MRPL19: variants seen among roughly 807,000 people sequenced by gnomAD.
MRPL19 encodes mitochondrial ribosomal protein L19.
Under a neutral mutation model 34.0 loss-of-function variants are expected in MRPL19, and 31 were observed. The ratio of observed to expected loss-of-function variants is 0.91; its 90% CI spans 0.68 to 1.23. The LOEUF (loss-of-function observed/expected upper bound fraction) is 1.23. Among genes scored for constraint, MRPL19 ranks in the 50% most tolerant of loss-of-function variants. The pLI is 0.00. For synonymous variants in MRPL19, 152 were observed against 127.7 expected (o/e 1.19, Z -1.28); for missense variants, 384 against 367.6 (o/e 1.04, Z -0.37).
In MRPL19 at chr2:75,654,834, GATGCCCTTCCTGA is replaced by G. The variant is rs1223371575; in HGVS notation, c.577_589del (p.Ala193IlefsTer6). On this transcript the variant is annotated frameshift_variant, in exon 5 of 6. Transcript: ENST00000393909. LOFTEE classifies it high-confidence loss of function. Reference sequence around the variant, plus strand: ...GGATGATAGCTTGCTATACTTACGAGATGCCCTTCCTGAATATAGCACTTTTGATGTGAATATG... The same window carrying G: ...GGATGATAGCTTGCTATACTTACGAGATATAGCACTTTTGATGTGAATATG... 1 of 1,613,840 alleles carries G rather than the reference GATGCCCTTCCTGA, an allele frequency of 6.2e-7. No individual in the cohort carries two copies. Among genetic ancestry groups the G allele is most frequent in the Admixed American group, 1.7e-5 (1 of 59,982 alleles).
rs1261380573 is a variant in MRPL19, at chr2:75,646,904, G to T, written c.97G>T (p.Ala33Ser). 1.3e-6 allele frequency: 2 copies of T among 1,592,550 alleles called. No homozygotes were observed. Among genetic ancestry groups the T allele is most frequent in the East Asian group, 4.5e-5 (2 of 44,252 alleles). ...TCTGCTCCCCCCGCCGGCCTCTATC[G>T]CCTGCAGTAAGTGGAGCCGGACTTG... is the stretch of plus-strand genomic sequence containing the variant. Reference protein sequence around the residue: ...RTLLPPPASIACRVHAGPVRQ... With the variant: ...RTLLPPPASISCRVHAGPVRQ... The change falls in exon 1 of 6, where the codon GCC becomes TCC. Residue 33 changes from alanine to serine, a missense_variant. By Grantham distance (99) the Ala-to-Ser change is moderately conservative. Coordinates refer to ENST00000393909, the MANE Select transcript of MRPL19 (RefSeq NM_014763.4).
intron 2 of MRPL19, among the ~76,000 whole-genome samples, chr2:75,650,104 T>G (rs924259818): frequency 2.0e-5 from 3 of 152,162 alleles, no homozygotes; most frequent in African/African-American, 7.2e-5. Flanking sequence ...AAGAAATTCA[T>G]GGGAATAATC....
rs560530255 is a variant in MRPL19, at chr2:75,647,609, A to G, written c.221+390A>G. ...GATTGGCCAACTTAAAAAATTTGCT[A>G]TGGTTTAGGTTGGAAGTTTTGGCAG... On this transcript the variant is annotated intron_variant, in intron 2 of 5. Transcript: ENST00000393909. The G allele has an allele frequency of 1.6e-4, 26 of 165,168 alleles. 1 individual carries two copies. In the South Asian group the frequency reaches 4.3e-3, roughly 27 times the overall value. 10.2% of individuals were successfully genotyped at this position (165,168 alleles called of 1,614,324 possible).
chr2:75,660,358 A>G lies in MRPL19; in HGVS notation c.*5073A>G, dbSNP rs191645640. The G allele has an allele frequency of 5.3e-4, 81 of 152,112 alleles. No homozygotes were observed. The highest frequency in any genetic ancestry group is 1.8e-3 in the African/African-American group (74 of 41,500). The allele number at this position is 152,112 out of a possible 1,614,324, so 9.4% of individuals were successfully genotyped here. On this transcript the variant is annotated 3_prime_UTR_variant, in exon 6 of 6. Transcript: ENST00000393909. ...GTAAGTCCAATGTCTGTGTTTCTTC[A>G]GGGATGGTTTTCATTATTTTGTTTT...
In MRPL19 at chr2:75,654,779, G is replaced by A. The variant is rs1412783135; in HGVS notation, c.519G>A (p.Glu173=). Reference sequence around the variant, plus strand: ...AACTTTATAATCCTCGGGTCCAGGAGATTCAGGTGGTCAAATTAGAGAAAC... The same window carrying A: ...AACTTTATAATCCTCGGGTCCAGGAAATTCAGGTGGTCAAATTAGAGAAAC... The part of the protein sequence containing the change: ...CFELYNPRVQ[E]IQVVKLEKRL... The change falls in exon 5 of 6, where the codon GAG becomes GAA. Residue 173 remains glutamate, a synonymous_variant. Coordinates refer to ENST00000393909, the MANE Select transcript of MRPL19 (RefSeq NM_014763.4). 1.2e-6 allele frequency: 2 copies of A among 1,613,666 alleles called. No homozygotes were observed. The highest frequency in any genetic ancestry group is 2.7e-5 in the African/African-American group (2 of 74,860).
chr2:75,652,484 G>A (rs559041425), intron 3 of MRPL19, 39 bp from the exon 4 acceptor site: 2 of 1,599,894 alleles, frequency 1.3e-6, no homozygotes, highest in African/African-American at 1.3e-5. Context: ...TCAGCTGGGT[G>A]TGCTGAAAAA....
intron 2 of MRPL19, among the ~76,000 whole-genome samples, chr2:75,648,929 TG>T (rs1040127944): frequency 6.6e-6 from 1 of 152,174 alleles, no homozygotes; most frequent in Non-Finnish European, 1.5e-5. Flanking sequence ...TACATGCATA[TG>T]AAAAGTAAAA....
intron 2 of MRPL19, 59 bp from the exon 3 acceptor site, chr2:75,652,083 A>C: frequency 9.9e-7 from 1 of 1,006,004 alleles, no homozygotes; most frequent in Non-Finnish European, 1.5e-6. Context: ...AAAAGCAACA[A>C]TTTTTCTTCT....
intron 4 of MRPL19, among the ~76,000 whole-genome samples, chr2:75,654,000 C>T (rs1039680909): frequency 6.6e-6 from 1 of 152,144 alleles, no homozygotes; most frequent in African/African-American, 2.4e-5. Flanking sequence ...TGTGCAGTCT[C>T]TCTGGTTTAC....
Position 75,650,768 on chromosome 2 carries a change from A to G in MRPL19, c.222-1374A>G, listed in dbSNP as rs1283902396. ...GGAGGGGGAAAAGCAAGAATTATTA[A>G]ACGTGGTCAAGGAGCGAAGAGCACT... On this transcript the variant is annotated intron_variant, in intron 2 of 5. Coordinates refer to ENST00000393909, the MANE Select transcript of MRPL19 (RefSeq NM_014763.4). Among the ~76,000 whole-genome samples the G allele has an allele frequency of 2.6e-5, 4 of 152,108 alleles. No homozygotes were observed. In the East Asian group the frequency reaches 7.7e-4, roughly 29 times the overall value.
rs367710762 is a variant in MRPL19, at chr2:75,652,196, T to G, written c.276T>G (p.Phe92Leu). 1 of 1,607,124 alleles carries G rather than the reference T, an allele frequency of 6.2e-7. No homozygotes were observed. Among genetic ancestry groups the G allele is most frequent in the Non-Finnish European group, 8.5e-7 (1 of 1,176,440 alleles). Residue 92 changes from phenylalanine (F) to leucine (L), a missense_variant, in exon 3 of 6, where the codon TTT (phenylalanine) becomes TTG (leucine). By Grantham distance (22) the Phe-to-Leu change is conservative. Coordinates refer to ENST00000393909, the MANE Select transcript of MRPL19 (RefSeq NM_014763.4). The part of the protein sequence containing the change: ...PRRGRTDPLK[F>L]QIERKDMLER... ...GGGGAAGAACAGATCCTCTGAAATT[T>G]CAAATAGAAAGAAAAGATATGTTAG...
intron 4 of MRPL19, among the ~76,000 whole-genome samples, chr2:75,654,276 T>C (rs921899184): frequency 1.8e-4 from 27 of 152,158 alleles, no homozygotes; most frequent in African/African-American, 6.0e-4. Context: ...CTCCATCCCT[T>C]TAATCCACTA....
At position 75,661,338 on chromosome 2, in the gene MRPL19, T is replaced by TA. The variant is rs1330751607; in HGVS notation, c.*6053_*6054insA. On this transcript the variant is annotated 3_prime_UTR_variant, in exon 6 of 6. Transcript: ENST00000393909. ...TCCTGCTTTAAAAAATATATATATATTTTTTAGGGATTGGGGTCTCACTAT... is the reference window on the plus strand; with the variant it reads ...TCCTGCTTTAAAAAATATATATATATATTTTTAGGGATTGGGGTCTCACTAT... 1.3e-5 allele frequency: 2 copies of TA among 152,060 alleles called. No homozygotes were observed. The highest frequency in any genetic ancestry group is 6.6e-5 in the Admixed American group (1 of 15,264). The allele number at this position is 152,060 out of a possible 1,614,324, so 9.4% of individuals were successfully genotyped here. A position where few individuals can be genotyped will look rare whatever the true frequency, so the allele number is the denominator to read the frequency against.
intron 2 of MRPL19, 144 bp downstream of exon 2, chr2:75,647,363 C>G (rs974084236): frequency 1.4e-6 from 1 of 718,052 alleles, no homozygotes; most frequent in Non-Finnish European, 2.2e-6. Flanking sequence ...CAGCGCACCA[C>G]ACTGTTCTTT....
intron 2 of MRPL19, chr2:75,647,603 T>TCG (rs1678252015): frequency 1.2e-5 from 2 of 166,532 alleles, no homozygotes; most frequent in Non-Finnish European, 2.6e-5. Flanking sequence ...ACTTAAAAAA[T>TCG]TTGCTATGGT....
rs145261680 is a variant in MRPL19, at chr2:75,651,238, G to A, written c.222-904G>A. The A allele has an allele frequency of 3.1e-4, 144 of 457,696 alleles. 1 individual carries two copies. The highest frequency in any genetic ancestry group is 2.4e-3 in the African/African-American group (122 of 50,720). 28.4% of individuals were successfully genotyped at this position (457,696 alleles called of 1,614,324 possible). A position where few individuals can be genotyped will look rare whatever the true frequency, so the allele number is the denominator to read the frequency against. Reference sequence around the variant, plus strand: ...CCACCAACCCAAATCCCTCCCACCCGCACCTGTCATCCAAGGAAGAGAAAA... The same window carrying A: ...CCACCAACCCAAATCCCTCCCACCCACACCTGTCATCCAAGGAAGAGAAAA... On this transcript the variant is annotated intron_variant, in intron 2 of 5. Transcript: ENST00000393909.
Position 75,655,093 on chromosome 2 carries a change from GTCTA to G in MRPL19, c.688_691del (p.Ser230AsnfsTer19), listed in dbSNP as rs770640075. The G allele has an allele frequency of 3.7e-6, 6 of 1,601,628 alleles. No homozygotes were observed. Among genetic ancestry groups the G allele is most frequent in the Non-Finnish European group, 5.1e-6 (6 of 1,176,102 alleles). On this transcript the variant is annotated frameshift_variant, in exon 6 of 6. Transcript: ENST00000393909. LOFTEE classifies it high-confidence loss of function. ...AAGTAAAAATGAAGCCTAAGCCCTG[GTCTA>G]AACGCTGGGAACGTCCAAATTTTAA... is the stretch of plus-strand genomic sequence containing the variant.
In MRPL19 at chr2:75,655,856, C is replaced by T. The variant is rs1678437502; in HGVS notation, c.*571C>T. ...TACTGCCAACACATATATTCTTCAA[C>T]AATATATTTAATTTTGAAAAACCTG... is the stretch of plus-strand genomic sequence containing the variant. On this transcript the variant is annotated 3_prime_UTR_variant, in exon 6 of 6. Transcript: ENST00000393909. 2 of 146,460 alleles carry T rather than the reference C, an allele frequency of 1.4e-5. No homozygotes were observed. The allele number at this position is 146,460 out of a possible 1,614,324, so 9.1% of individuals were successfully genotyped here.
rs1353047324 is a variant in MRPL19 at position 75,648,894 on chromosome 2, C to T, written c.221+1675C>T. 3.3e-5 allele frequency among the ~76,000 whole-genome samples: 5 copies of T among 152,018 alleles called. No homozygotes were observed. The East Asian group carries it at 5.8e-4, about 18-fold the overall frequency. On this transcript the variant is annotated intron_variant, in intron 2 of 5. Transcript: ENST00000393909. ...AGAAAAAAACAAAAACAAAATTATA[C>T]GAAACAATATATGTTGCCCAGACAT...
Sources: allele counts gnomAD v4.1 joint callset (sites outside exome capture counted in the v4.1 genomes callset), GRCh38; gene constraint gnomAD v4.1.1; transcripts MANE v1.5; gene names NCBI Gene and HGNC (gene_info 2026-07-23, HGNC 2026-07-21).